Variants in TMEM117 observed in about 807,000 individuals in gnomAD.
The protein encoded by TMEM117 is transmembrane protein 117.
Under a neutral mutation model 52.4 loss-of-function variants are expected in TMEM117, and 27 were observed. The ratio of observed to expected loss-of-function variants is 0.51; its 90% CI spans 0.38 to 0.71. The LOEUF (loss-of-function observed/expected upper bound fraction) is 0.71. TMEM117 is among the 30% of genes least tolerant of loss of function. The probability of loss-of-function intolerance (pLI) is 0.00; values close to 1 mark genes in which losing one functional copy is unlikely to be tolerated. For missense variants in TMEM117, 556 were observed against 630.5 expected, an observed-to-expected ratio of 0.88 and a Z score of 1.26; for synonymous variants, 215 against 206.3, an observed-to-expected ratio of 1.04 and a Z score of -0.36.
At chr12:44,301,970 A>T (rs572315494) in intron 6 of TMEM117, among the ~76,000 whole-genome samples, 2 of 152,330 alleles carry the variant, frequency 1.3e-5, no homozygotes, top group East Asian at 1.9e-4. Flanking sequence ...ATGAGTAAAA[A>T]ATTAGCCCCA....
chr12:44,223,389 C>T (rs1949816491), intron 5 of TMEM117, among the ~76,000 whole-genome samples: 1 of 150,518 alleles, frequency 6.6e-6, no homozygotes, highest in Non-Finnish European at 1.5e-5. Context: ...GCCTTTCCCC[C>T]ATACCAGACC....
intron 6 of TMEM117, among the ~76,000 whole-genome samples, chr12:44,356,993 C>G (rs537648778): frequency 2.6e-5 from 4 of 152,216 alleles, no homozygotes; most frequent in African/African-American, 9.6e-5. Context: ...AAAATAAAAC[C>G]CTTCACACAC....
chr12:44,054,554 T>C (rs2137934747), intron 3 of TMEM117, among the ~76,000 whole-genome samples: 2 of 152,296 alleles, frequency 1.3e-5, no homozygotes, highest in South Asian at 4.1e-4. Flanking sequence ...TAAATAAAAT[T>C]TGAAAACTTT....
intron 3 of TMEM117, among the ~76,000 whole-genome samples, chr12:44,049,470 A>G (rs1297056672): frequency 1.3e-5 from 2 of 151,768 alleles, no homozygotes; most frequent in Non-Finnish European, 2.9e-5. Flanking sequence ...GGTACTGCAG[A>G]CCACCATGGC....
chr12:44,218,577 G>T (rs56192803), intron 5 of TMEM117, among the ~76,000 whole-genome samples: 15,770 of 152,144 alleles, frequency 0.1, 925 homozygotes, highest in Middle Eastern at 0.2. Flanking sequence ...TGCCAAGGTT[G>T]CTCACTCTCC....
the TMEM117 span, among the ~76,000 whole-genome samples, chr12:43,802,832 C>G: frequency 6.6e-6 from 1 of 152,054 alleles, no homozygotes; most frequent in Admixed American, 6.6e-5. Flanking sequence ...AACTACCATT[C>G]AAAAGTATAA....
At chr12:44,195,500 C>T (rs1227175256) in intron 4 of TMEM117, among the ~76,000 whole-genome samples, 1 of 152,020 alleles carries the variant, frequency 6.6e-6, no homozygotes, top group African/African-American at 2.4e-5. Flanking sequence ...GAGCAAGAGC[C>T]ATAGGAGGTC....
At chr12:43,922,690 A>C (rs1459013385) in intron 2 of TMEM117, among the ~76,000 whole-genome samples, 1 of 152,172 alleles carries the variant, frequency 6.6e-6, no homozygotes, top group Admixed American at 6.5e-5. Flanking sequence ...CACACAACAT[A>C]GGTAGTTTGC....
chr12:43,834,211 A>T (rs1404262344), upstream of TMEM117, among the ~76,000 whole-genome samples: 1 of 152,240 alleles, frequency 6.6e-6, no homozygotes, highest in African/African-American at 2.4e-5. Context: ...AAATGGAGAT[A>T]CAAGGAAAAT....
chr12:44,191,060 C>A (rs765170531), intron 4 of TMEM117, among the ~76,000 whole-genome samples: 1 of 151,660 alleles, frequency 6.6e-6, no homozygotes, highest in South Asian at 2.1e-4. Flanking sequence ...CACAACTCAG[C>A]GTGACTAGGG....
chr12:44,301,439 T>A (rs573427340), intron 6 of TMEM117, among the ~76,000 whole-genome samples: 12 of 152,228 alleles, frequency 7.9e-5, no homozygotes, highest in African/African-American at 2.6e-4. Flanking sequence ...GCTGAAGTGT[T>A]CAGAGAGTAG....
At chr12:44,204,973 A>G (rs373403483) in intron 4 of TMEM117, among the ~76,000 whole-genome samples, 226 of 152,340 alleles carry the variant, frequency 1.5e-3, no homozygotes, top group African/African-American at 5.3e-3. Flanking sequence ...AGGAAACACC[A>G]TTCTGAACAT....
intron 3 of TMEM117, among the ~76,000 whole-genome samples, chr12:43,981,617 C>A (rs1330990317): frequency 6.6e-6 from 1 of 152,136 alleles, no homozygotes; most frequent in East Asian, 1.9e-4. Context: ...ATTGGTTAAA[C>A]CTTCTGACTT....
chr12:43,905,666 T>C (rs1286707123), intron 2 of TMEM117, among the ~76,000 whole-genome samples: 1 of 152,208 alleles, frequency 6.6e-6, no homozygotes, highest in Non-Finnish European at 1.5e-5. Context: ...TGGAGACTTA[T>C]TTGCTCATTT....
chr12:43,849,729 A>T (rs1369869993), intron 2 of TMEM117, among the ~76,000 whole-genome samples: 2 of 152,180 alleles, frequency 1.3e-5, no homozygotes, highest in East Asian at 3.9e-4. Context: ...AAACCTATGA[A>T]ATTATATGGA....
the TMEM117 span, among the ~76,000 whole-genome samples, chr12:43,801,724 T>A: frequency 2.0e-5 from 3 of 151,898 alleles, no homozygotes; most frequent in Non-Finnish European, 4.4e-5. Context: ...GCCCATGGAG[T>A]CATTTTAAAA....
At chr12:44,274,920 G>C (rs1950494145) in intron 5 of TMEM117, among the ~76,000 whole-genome samples, 1 of 151,976 alleles carries the variant, frequency 6.6e-6, no homozygotes, top group South Asian at 2.1e-4. Flanking sequence ...TAATACCCCA[G>C]AAGCAAAGGC....
At chr12:43,906,768 G>T (rs142811006) in intron 2 of TMEM117, among the ~76,000 whole-genome samples, 1 of 149,762 alleles carries the variant, frequency 6.7e-6, no homozygotes, top group Non-Finnish European at 1.5e-5. Context: ...ACTCCCACTG[G>T]AATACTGCAC....
chr12:44,071,391 T>C (rs568627840), intron 3 of TMEM117, among the ~76,000 whole-genome samples: 1 of 152,310 alleles, frequency 6.6e-6, no homozygotes, highest in Admixed American at 6.5e-5. Context: ...CCAAAATGGC[T>C]ATGAAAGAAT....
Sources: allele counts gnomAD v4.1 joint callset (sites outside exome capture counted in the v4.1 genomes callset), GRCh38; gene constraint gnomAD v4.1.1; transcripts MANE v1.5; gene names NCBI Gene and HGNC (gene_info 2026-07-23, HGNC 2026-07-21).